The following L3MBTL1 variants were observed in gnomAD, a reference collection of about 807,000 sequenced individuals.
The protein encoded by L3MBTL1 is L3MBTL histone methyl-lysine binding protein 1.
A neutral mutation model predicts 105.3 loss-of-function variants in L3MBTL1; 75 were observed. The observed-to-expected ratio is 0.71, with a 90% CI of 0.59 to 0.86. L3MBTL1 has a LOEUF of 0.86. Ranked by LOEUF, L3MBTL1 falls within the 40% of genes least tolerant of loss-of-function variation. The probability of loss-of-function intolerance (pLI) is 0.00; values close to 1 mark genes in which losing one functional copy is unlikely to be tolerated. For missense variants in L3MBTL1, 1,069 were observed against 1,126.4 expected, an observed-to-expected ratio of 0.95 and a Z score of 0.73; for synonymous variants, 452 against 436.2, an observed-to-expected ratio of 1.04 and a Z score of -0.45.
At chr20:43,525,441 G>A (rs558606896) in intron 7 of L3MBTL1, among the ~76,000 whole-genome samples, 1 of 152,278 alleles carries the variant, frequency 6.6e-6, no homozygotes, top group East Asian at 1.9e-4. Flanking sequence ...TTAGAAAAGG[G>A]CAACCTTTCT....
downstream of L3MBTL1, among the ~76,000 whole-genome samples, chr20:43,543,507 T>A (rs1978361678): frequency 6.6e-6 from 1 of 152,160 alleles, no homozygotes; most frequent in African/African-American, 2.4e-5. Flanking sequence ...GTCTGTGATA[T>A]AAAAAACTAG....
chr20:43,513,803 A>G (rs1600890732), intron 2 of L3MBTL1, 35 bp from the exon 3 acceptor site: 6 of 1,541,290 alleles, frequency 3.9e-6, no homozygotes, highest in Non-Finnish European at 5.3e-6. Context: ...CACTAGACTC[A>G]CCTGTGTCGT....
Position 43,534,267 on chromosome 20 carries a change from A to G in L3MBTL1, c.1600-17A>G, listed in dbSNP as rs186866260. 190 of 1,610,424 alleles carry G rather than the reference A, an allele frequency of 1.2e-4. No homozygotes were observed. In the African/African-American group the frequency reaches 2.3e-3, roughly 19 times the overall value. On this transcript the variant is annotated splice_polypyrimidine_tract_variant and intron_variant, in intron 14 of 21. Coordinates refer to ENST00000418998, the MANE Select transcript of L3MBTL1 (RefSeq NM_001377303.1). ...CTGAGCTGCGCCTTGCCCTGAAGGC[A>G]GCTGTCCCCTCTGCAGCGACCCCCT...
intron 7 of L3MBTL1, among the ~76,000 whole-genome samples, chr20:43,525,078 A>G (rs889463988): frequency 5.3e-5 from 8 of 151,306 alleles, no homozygotes; most frequent in African/African-American, 1.9e-4. Flanking sequence ...GATAACTAGG[A>G]GTTGGAATCA....
At chr20:43,519,059 T>C (rs574363181) in intron 7 of L3MBTL1, among the ~76,000 whole-genome samples, 1 of 150,134 alleles carries the variant, frequency 6.7e-6, no homozygotes, top group Non-Finnish European at 1.5e-5. Context: ...GAATACACTT[T>C]AAGGCTAGGC....
At chr20:43,527,877 G>T (rs1247900666) in intron 7 of L3MBTL1, among the ~76,000 whole-genome samples, 1 of 151,952 alleles carries the variant, frequency 6.6e-6, no homozygotes, top group Admixed American at 6.6e-5. Context: ...GTGCCACCAC[G>T]CCTGGATAAT....
intron 11 of L3MBTL1, 62 bp from the exon 12 acceptor site, chr20:43,532,711 G>A: frequency 1.3e-6 from 2 of 1,561,680 alleles, no homozygotes; most frequent in Admixed American, 1.8e-5. Context: ...GTTTGCCAAT[G>A]GGCTCTGGGC....
intron 7 of L3MBTL1, among the ~76,000 whole-genome samples, chr20:43,518,527 G>T (rs2018523429): frequency 6.6e-6 from 1 of 151,964 alleles, no homozygotes; most frequent in Non-Finnish European, 1.5e-5. Context: ...ACACACCATT[G>T]CAAGTTTCTA....
In L3MBTL1 at chr20:43,513,984, G is replaced by GCCAGCT. The variant is rs2018216628; in HGVS notation, c.289_294dup (p.Ser97_Ser98dup). The GCCAGCT allele has an allele frequency of 1.3e-6, 2 of 1,545,052 alleles. No homozygotes were observed. The highest frequency in any genetic ancestry group is 2.0e-5 in the Admixed American group (1 of 50,990). The stretch of plus-strand genomic sequence containing the variant: ...CCTGCCGCAGCTTAGCGCCGGGCCG[G>GCCAGCT]CCAGCTCCAGCACCAGCACAGTGCG... On this transcript the variant is annotated inframe_insertion, in exon 3 of 22. Coordinates refer to ENST00000418998, the MANE Select transcript of L3MBTL1 (RefSeq NM_001377303.1).
At chr20:43,530,774 G>A (rs769269289) in intron 10 of L3MBTL1, 24 bp from the exon 11 acceptor site, 1 of 1,610,698 alleles carries the variant, frequency 6.2e-7, no homozygotes, top group East Asian at 2.2e-5. Flanking sequence ...ACGGCGCTCT[G>A]TTCATGCCCC....
exon 19 of L3MBTL1, chr20:43,549,654 C>G (rs1230587234): frequency 6.6e-6 from 1 of 152,234 alleles, no homozygotes; most frequent in Non-Finnish European, 1.5e-5. Flanking sequence ...TGTCCAGGTG[C>G]TGATGTGGGC....
chr20:43,519,355 G>T (rs962049984), intron 7 of L3MBTL1, among the ~76,000 whole-genome samples: 1 of 130,140 alleles, frequency 7.7e-6, no homozygotes, highest in African/African-American at 2.7e-5. Flanking sequence ...AAAAAAAAAA[G>T]GCTGGGTGCA....
chr20:43,534,499 A>G, intron 15 of L3MBTL1, 105 bp downstream of exon 15: 2 of 864,492 alleles, frequency 2.3e-6, no homozygotes, highest in African/African-American at 3.3e-5. Flanking sequence ...AGATGAAGCC[A>G]AAGATCTTGA....
In L3MBTL1 at chr20:43,528,746, G is replaced by T. The variant is rs1292324803; in HGVS notation, c.951+1G>T. The T allele has an allele frequency of 3.1e-6, 5 of 1,610,684 alleles. No homozygotes were observed. The highest frequency in any genetic ancestry group is 1.3e-5 in the African/African-American group (1 of 74,860). On this transcript the variant is annotated splice_donor_variant, in intron 8 of 21. Coordinates refer to ENST00000418998, the MANE Select transcript of L3MBTL1 (RefSeq NM_001377303.1). LOFTEE classifies it high-confidence loss of function. ...TGCTCCAGTCAGCCTCTTCCAGGAC[G>T]TGAGTTGGACAATTTCCCCGTAGGA...
At chr20:43,530,149 G>T in intron 9 of L3MBTL1, 135 bp from the exon 10 acceptor site, 1 of 1,037,626 alleles carries the variant, frequency 9.6e-7, no homozygotes, top group Admixed American at 2.1e-5. Flanking sequence ...CAATTGGGAG[G>T]AAAGAAAGGT....
chr20:43,538,404 A>G (rs1268632051), intron 19 of L3MBTL1, among the ~76,000 whole-genome samples: 1 of 152,228 alleles, frequency 6.6e-6, no homozygotes, highest in Non-Finnish European at 1.5e-5. Context: ...CACTTCAAGG[A>G]TAGAGCAGGG....
At chr20:43,548,149 G>A (rs768327668) in exon 19 of L3MBTL1, 35 of 1,304,074 alleles carry the variant, frequency 2.7e-5, no homozygotes, top group Middle Eastern at 2.1e-4. Context: ...TGACACAGGC[G>A]GACATTGTGA....
rs771055304 is a variant in L3MBTL1, at chr20:43,530,394, G to A, written c.1167G>A (p.Thr389=). The A allele has an allele frequency of 1.1e-5, 17 of 1,614,002 alleles. No individual in the cohort carries two copies. Among genetic ancestry groups the A allele is most frequent in the East Asian group, 2.2e-5 (1 of 44,894 alleles). Residue 389 remains threonine, a synonymous_variant, in exon 10 of 22, where the codon ACG becomes ACA. Transcript: ENST00000418998. ...ACCCTGCTGGCTGGTTCGAGAAGAC[G>A]GGCCACAAGCTGCAGCCTCCCAAAG... ...DIHPAGWFEK[T]GHKLQPPKGY...
chr20:43,519,142 G>A (rs895076203), intron 7 of L3MBTL1, among the ~76,000 whole-genome samples: 2 of 151,846 alleles, frequency 1.3e-5, no homozygotes, highest in Non-Finnish European at 2.9e-5. Context: ...TTCGAGACCA[G>A]CCCAGGCAAC....
Sources: allele counts gnomAD v4.1 joint callset (sites outside exome capture counted in the v4.1 genomes callset), GRCh38; gene constraint gnomAD v4.1.1; transcripts MANE v1.5; gene names NCBI Gene and HGNC (gene_info 2026-07-23, HGNC 2026-07-21).